BASP1: variants seen among roughly 807,000 people sequenced by gnomAD.
BASP1 encodes the protein brain abundant membrane attached signal protein 1, also known as brain acid soluble protein 1.
BASP1 carries 1 observed loss-of-function variant against 2.2 expected under a neutral mutation model. The ratio of observed to expected loss-of-function variants is 0.46; its 90% CI spans 0.16 to 2.17. The LOEUF (loss-of-function observed/expected upper bound fraction) is 2.17. Among genes scored for constraint, BASP1 ranks in the 30% most tolerant of loss-of-function variants. The probability of loss-of-function intolerance (pLI) is 0.27; values close to 1 mark genes in which losing one functional copy is unlikely to be tolerated. For synonymous variants in BASP1, 187 were observed against 154.2 expected (o/e 1.21, Z -1.58); for missense variants, 352 against 327.2 (o/e 1.08, Z -0.58).
intron 1 of BASP1, among the ~76,000 whole-genome samples, chr5:17,224,286 A>G (rs192279279): frequency 6.2e-4 from 94 of 152,246 alleles, no homozygotes; most frequent in Middle Eastern, 3.4e-3. Context: ...GAGGGAAGTC[A>G]TATATTTTAC....
intron 1 of BASP1, among the ~76,000 whole-genome samples, chr5:17,256,020 GGGAATCTTGAGGT>G (rs1740203183): frequency 6.6e-6 from 1 of 152,138 alleles, no homozygotes; most frequent in African/African-American, 2.4e-5. Context: ...ACCCAGCTGA[GGGAATCTTGAGGT>G]GTCCTCTTGT....
In BASP1 at chr5:17,275,616, G is replaced by T. The variant is rs1202724137; in HGVS notation, c.400G>T (p.Ala134Ser). The T allele has an allele frequency of 5.4e-6, 8 of 1,474,116 alleles. No homozygotes were observed. The highest frequency in any genetic ancestry group is 7.2e-6 in the Non-Finnish European group (8 of 1,115,930). 91.3% of individuals were successfully genotyped at this position (1,474,116 alleles called of 1,614,324 possible). A position where few individuals can be genotyped will look rare whatever the true frequency, so the allele number is the denominator to read the frequency against. ...CGCCGCGGCCCCGGCCGAGAGCGCG[G>T]CCCCTGCCGCCGGGGAGGAGCCCAG... is the stretch of plus-strand genomic sequence containing the variant. ...EAAAAPAESA[A>S]PAAGEEPSKE... is the part of the protein sequence containing the mutation. Residue 134 changes from alanine (A) to serine (S), a missense_variant, in exon 2 of 2, where the codon GCC becomes TCC. Transcript: ENST00000322611. This position sits in a 1 kb window ranked among gnomAD's most constrained non-coding sequence, Gnocchi z 5.3.
intron 1 of BASP1, among the ~76,000 whole-genome samples, chr5:17,272,556 T>C (rs150466509): frequency 6.6e-6 from 1 of 152,156 alleles, no homozygotes; most frequent in East Asian, 1.9e-4. Flanking sequence ...TTAATAGATG[T>C]TGTAGGCAAG....
At chr5:17,249,095 T>G (rs187176452) in intron 1 of BASP1, among the ~76,000 whole-genome samples, 1 of 152,302 alleles carries the variant, frequency 6.6e-6, no homozygotes, top group African/African-American at 2.4e-5. Flanking sequence ...TTGGTGGCAC[T>G]ATTTTATTTT....
chr5:17,218,026 G>A (rs1323860325), intron 1 of BASP1, among the ~76,000 whole-genome samples: 1 of 151,898 alleles, frequency 6.6e-6, no homozygotes, highest in Non-Finnish European at 1.5e-5. Flanking sequence ...AGAAGTGGGA[G>A]GCTTCAGCCG....
chr5:17,253,944 T>C (rs1740151005), intron 1 of BASP1, among the ~76,000 whole-genome samples: 1 of 152,142 alleles, frequency 6.6e-6, no homozygotes, highest in African/African-American at 2.4e-5. Context: ...TTTTGTTTTA[T>C]GCAAAAGATG....
At chr5:17,252,707 T>G (rs2962367) in intron 1 of BASP1, among the ~76,000 whole-genome samples, 1 of 152,224 alleles carries the variant, frequency 6.6e-6, no homozygotes, top group African/African-American at 2.4e-5. Flanking sequence ...AAAGTTCCCA[T>G]GTGACATTGT....
intron 1 of BASP1, among the ~76,000 whole-genome samples, chr5:17,222,618 C>G (rs548370280): frequency 2.6e-5 from 4 of 152,186 alleles, no homozygotes; most frequent in African/African-American, 9.7e-5. Flanking sequence ...ACAGCATTCT[C>G]CTTTTCCCTC....
intron 1 of BASP1, among the ~76,000 whole-genome samples, chr5:17,253,612 G>C (rs1740144633): frequency 6.6e-6 from 1 of 152,152 alleles, no homozygotes; most frequent in African/African-American, 2.4e-5. Flanking sequence ...TTCTTTCTGT[G>C]TAGTCTTGCT....
chr5:17,242,067 G>A (rs565167538), intron 1 of BASP1, among the ~76,000 whole-genome samples: 2 of 152,132 alleles, frequency 1.3e-5, no homozygotes, highest in African/African-American at 4.8e-5. Context: ...ATGCTTTCTT[G>A]ATTGGCTGAG....
chr5:17,272,529 T>C (rs944910948), intron 1 of BASP1, among the ~76,000 whole-genome samples: 3 of 152,270 alleles, frequency 2.0e-5, no homozygotes, highest in Middle Eastern at 3.4e-3. Context: ...GGATTGTGCT[T>C]GATACCTAGG....
At chr5:17,246,807 T>C (rs748098936) in intron 1 of BASP1, among the ~76,000 whole-genome samples, 7 of 152,210 alleles carry the variant, frequency 4.6e-5, no homozygotes, top group Non-Finnish European at 8.8e-5. Context: ...GCATTTTTGC[T>C]CCCTCTTAGC....
At chr5:17,221,526 CTCT>C (rs1187486381) in intron 1 of BASP1, among the ~76,000 whole-genome samples, 1 of 151,776 alleles carries the variant, frequency 6.6e-6, no homozygotes, top group African/African-American at 2.4e-5. Context: ...CATCTTCTTT[CTCT>C]TCTTAATGAT....
Position 17,242,167 on chromosome 5 carries a change from C to G in BASP1, c.-10+24357C>G, listed in dbSNP as rs114616355. On this transcript the variant is annotated intron_variant, in intron 1 of 1. Transcript: ENST00000322611. ...ACCATTAATAGTTTTAGCAATTACTCTCAACCATAGTGAATGTGTAACTCC... is the reference window on the plus strand; with the variant it reads ...ACCATTAATAGTTTTAGCAATTACTGTCAACCATAGTGAATGTGTAACTCC... Among the ~76,000 whole-genome samples, 425 of 152,306 alleles carry G rather than the reference C, an allele frequency of 2.8e-3. 9 individuals are homozygous for G. The highest frequency in any genetic ancestry group is 0.025 in the Admixed American group (375 of 15,302).
chr5:17,218,439 G>A (rs1334908696), intron 1 of BASP1, among the ~76,000 whole-genome samples: 3 of 152,152 alleles, frequency 2.0e-5, no homozygotes, highest in Admixed American at 2.0e-4. Context: ...ACACGGCGAC[G>A]TGCACTCAGA....
At chr5:17,271,381 CA>C (rs1274378392) in intron 1 of BASP1, among the ~76,000 whole-genome samples, 1 of 152,188 alleles carries the variant, frequency 6.6e-6, no homozygotes, top group Non-Finnish European at 1.5e-5. Flanking sequence ...CTCGGCCTCC[CA>C]AAGTGCTGGG....
chr5:17,259,268 C>G (rs576575387), intron 1 of BASP1, among the ~76,000 whole-genome samples: 17 of 152,248 alleles, frequency 1.1e-4, no homozygotes, highest in African/African-American at 4.1e-4. Flanking sequence ...TTCACCACCA[C>G]AAAAACAGTG....
At chr5:17,240,817 T>A (rs948345103) in intron 1 of BASP1, 2 of 152,094 alleles carry the variant, frequency 1.3e-5, no homozygotes, top group East Asian at 3.9e-4. Context: ...TGATTCTTTA[T>A]AAATTACCCA....
chr5:17,226,547 A>G (rs1739511383), intron 1 of BASP1, among the ~76,000 whole-genome samples: 1 of 152,226 alleles, frequency 6.6e-6, no homozygotes, highest in Admixed American at 6.5e-5. Flanking sequence ...TCTTAAAGAG[A>G]CAGAGAAGAA....
Sources: allele counts gnomAD v4.1 joint callset (sites outside exome capture counted in the v4.1 genomes callset), GRCh38; gene constraint gnomAD v4.1.1; non-coding constraint Gnocchi (gnomAD v3.1); transcripts MANE v1.5; gene names NCBI Gene and HGNC (gene_info 2026-07-23, HGNC 2026-07-21).